MCTP1: variants seen among roughly 807,000 people sequenced by gnomAD.
The protein encoded by MCTP1 is multiple C2 and transmembrane domain-containing protein 1.
MCTP1 carries 69 observed loss-of-function variants against 120.6 expected under a neutral mutation model. That is an observed-to-expected ratio of 0.57 (90% CI 0.47 to 0.70). MCTP1 has a LOEUF of 0.70. Ranked by LOEUF, MCTP1 falls within the 30% of genes least tolerant of loss-of-function variation. The pLI is 0.00. For synonymous variants in MCTP1, 529 were observed against 493.1 expected, an observed-to-expected ratio of 1.07 and a Z score of -0.96; for missense variants, 1,203 against 1,248.8, an observed-to-expected ratio of 0.96 and a Z score of 0.55.
At chr5:94,815,991 G>C (rs1007909549) in intron 17 of MCTP1, among the ~76,000 whole-genome samples, 1 of 152,118 alleles carries the variant, frequency 6.6e-6, no homozygotes, top group African/African-American at 2.4e-5. Flanking sequence ...AGGGTAACTG[G>C]CATACAGATG....
chr5:95,012,205 C>T (rs1836137184), intron 2 of MCTP1, among the ~76,000 whole-genome samples: 1 of 152,052 alleles, frequency 6.6e-6, no homozygotes, highest in South Asian at 2.1e-4. Flanking sequence ...ATCATACTGA[C>T]ACCTGTTTAG....
At chr5:94,927,645 T>C (rs1174419727) in intron 6 of MCTP1, among the ~76,000 whole-genome samples, 1 of 152,166 alleles carries the variant, frequency 6.6e-6, no homozygotes, top group East Asian at 1.9e-4. Context: ...TTTTTCATCA[T>C]GTCTAGCTGA....
At chr5:94,807,222 G>A (rs563589897) in intron 17 of MCTP1, among the ~76,000 whole-genome samples, 28 of 152,324 alleles carry the variant, frequency 1.8e-4, no homozygotes, top group Non-Finnish European at 2.9e-4. Context: ...CTTGATGTGA[G>A]AGAGACCTCA....
intron 2 of MCTP1, among the ~76,000 whole-genome samples, chr5:94,998,865 C>T (rs1833110079): frequency 1.3e-5 from 2 of 152,144 alleles, no homozygotes; most frequent in South Asian, 2.1e-4. Flanking sequence ...GTAGACATTG[C>T]CCAAACCTGA....
chr5:95,116,775 G>A (rs1201401973), intron 1 of MCTP1, among the ~76,000 whole-genome samples: 1 of 151,956 alleles, frequency 6.6e-6, no homozygotes, highest in African/African-American at 2.4e-5. Flanking sequence ...TGTATTCCTA[G>A]GTATTTTATT....
chr5:95,245,943 A>G (rs1756723780), intron 1 of MCTP1, among the ~76,000 whole-genome samples: 1 of 152,222 alleles, frequency 6.6e-6, no homozygotes, highest in African/African-American at 2.4e-5. Flanking sequence ...AAGTCGGGTT[A>G]CCCACAAAGG....
intron 1 of MCTP1, among the ~76,000 whole-genome samples, chr5:95,039,878 C>CAAAAAAAA (rs57011733): frequency 5.2e-5 from 4 of 77,620 alleles, no homozygotes; most frequent in South Asian, 5.8e-4. Flanking sequence ...GTACCGTTTG[C>CAAAAAAAA]AAAAAAAAAA....
chr5:94,833,961 G>A (rs1434641534), intron 17 of MCTP1, among the ~76,000 whole-genome samples: 1 of 152,152 alleles, frequency 6.6e-6, no homozygotes, highest in East Asian at 1.9e-4. Context: ...AATTTGAAAG[G>A]CATCAATACT....
chr5:94,841,373 C>A (rs1318889959), intron 17 of MCTP1, among the ~76,000 whole-genome samples: 3 of 152,116 alleles, frequency 2.0e-5, no homozygotes, highest in African/African-American at 7.2e-5. Flanking sequence ...ATAATTTTTT[C>A]CATTAAAGCC....
chr5:95,106,908 A>G (rs1429378325), intron 1 of MCTP1, among the ~76,000 whole-genome samples: 1 of 152,198 alleles, frequency 6.6e-6, no homozygotes, highest in Non-Finnish European at 1.5e-5. Context: ...CTGGCAGTAT[A>G]TTTTTACAAG....
chr5:94,777,927 C>CATGT (rs1554095231), intron 19 of MCTP1, among the ~76,000 whole-genome samples: 1 of 148,850 alleles, frequency 6.7e-6, no homozygotes, highest in Admixed American at 6.7e-5. Context: ...AGAAAGTGTG[C>CATGT]GTGTGTGTGT....
intron 1 of MCTP1, among the ~76,000 whole-genome samples, chr5:95,253,517 C>T (rs562964638): frequency 6.6e-6 from 1 of 152,098 alleles, no homozygotes; most frequent in South Asian, 2.1e-4. Context: ...ATATTATGTA[C>T]CCCCTTATAT....
intron 1 of MCTP1, among the ~76,000 whole-genome samples, chr5:95,019,843 G>T (rs1052117286): frequency 6.6e-6 from 1 of 151,970 alleles, no homozygotes; most frequent in African/African-American, 2.4e-5. Flanking sequence ...CCATACAGAA[G>T]ATTCCAACTT....
At chr5:94,956,200 CAG>C (rs1822570406) in intron 2 of MCTP1, among the ~76,000 whole-genome samples, 1 of 152,128 alleles carries the variant, frequency 6.6e-6, no homozygotes, top group Non-Finnish European at 1.5e-5. Flanking sequence ...AACTAACAAA[CAG>C]AAAGGAATAG....
intron 2 of MCTP1, among the ~76,000 whole-genome samples, chr5:94,953,842 TAC>T (rs199595082): frequency 0.34 from 6,596 of 19,234 alleles, 1,217 homozygotes; most frequent in African/African-American, 0.57. Flanking sequence ...TATATATATA[TAC>T]ACAACTATAT....
At chr5:94,847,037 C>A (rs867190645) in intron 17 of MCTP1, among the ~76,000 whole-genome samples, 1 of 152,174 alleles carries the variant, frequency 6.6e-6, no homozygotes, top group African/African-American at 2.4e-5. Flanking sequence ...CTCCTAAGAG[C>A]ATTCCAGGTG....
At chr5:95,001,361 G>A (rs1023610517) in intron 2 of MCTP1, among the ~76,000 whole-genome samples, 2 of 152,206 alleles carry the variant, frequency 1.3e-5, no homozygotes, top group Non-Finnish European at 2.9e-5. Flanking sequence ...GCAGAGGCTG[G>A]AACAGTTTGG....
chr5:94,779,182 G>C lies in MCTP1; in HGVS notation c.2557-19C>G. 1 of 1,610,684 alleles carries C rather than the reference G, an allele frequency of 6.2e-7. No individual in the cohort carries two copies. Among genetic ancestry groups the C allele is most frequent in the East Asian group, 2.2e-5 (1 of 44,850 alleles). On this transcript the variant is annotated intron_variant, in intron 18 of 22. Transcript: ENST00000515393. ...CCACTACCTGCAGAGAGAAACAGAA[G>C]TCGTTTTTTGTGCTCTTAAAGGAGA...
chr5:94,863,024 C>A (rs1186144804), intron 17 of MCTP1, among the ~76,000 whole-genome samples: 1 of 151,728 alleles, frequency 6.6e-6, no homozygotes, highest in Non-Finnish European at 1.5e-5. Flanking sequence ...CCCTTACTTG[C>A]ACATTTGTGA....
Sources: gnomAD v4.1 joint callset for allele counts (sites outside exome capture counted in the v4.1 genomes callset) on GRCh38, gnomAD v4.1.1 for gene constraint, MANE v1.5 for transcripts, NCBI Gene and HGNC (gene_info 2026-07-23, HGNC 2026-07-21) for gene names.